CCSER1: variants seen among roughly 807,000 people sequenced by gnomAD.
CCSER1 encodes the protein coiled-coil serine rich protein 1.
A neutral mutation model predicts 82.0 loss-of-function variants in CCSER1; 41 were observed. That is an observed-to-expected ratio of 0.50 (90% CI 0.39 to 0.65). The LOEUF (loss-of-function observed/expected upper bound fraction) is 0.65. CCSER1 is among the 30% of genes least tolerant of loss of function. CCSER1 has a pLI of 0.00. For synonymous variants in CCSER1, 414 were observed against 383.9 expected, an observed-to-expected ratio of 1.08 and a Z score of -0.92; for missense variants, 1,119 against 1,064.2, an observed-to-expected ratio of 1.05 and a Z score of -0.72.
chr4:90,271,826 TTATATATATATATATATATATATA>T (rs1189309598), intron 1 of CCSER1, among the ~76,000 whole-genome samples: 1 of 42,880 alleles, frequency 2.3e-5, no homozygotes, highest in East Asian at 5.3e-4. Context: ...ACTGGACAAT[TTATATATATATATATATATATATA>T]TATATATATA....
chr4:91,484,105 C>T (rs530454491), intron 10 of CCSER1, among the ~76,000 whole-genome samples: 7 of 148,550 alleles, frequency 4.7e-5, no homozygotes, highest in Non-Finnish European at 8.9e-5. Flanking sequence ...ATACATGATT[C>T]AGTTCTCAAA....
intron 9 of CCSER1, among the ~76,000 whole-genome samples, chr4:91,060,455 T>C (rs1743863517): frequency 6.6e-6 from 1 of 152,028 alleles, no homozygotes; most frequent in Non-Finnish European, 1.5e-5. Flanking sequence ...AGTAGAAGAA[T>C]GCATTTGCAA....
In CCSER1 at chr4:91,482,208, C is replaced by T. The variant is rs565402348; in HGVS notation, c.2218-116364C>T. On this transcript the variant is annotated intron_variant, in intron 10 of 10. Coordinates refer to ENST00000509176, the MANE Select transcript of CCSER1 (RefSeq NM_001145065.2). Reference sequence around the variant, plus strand: ...ATGAGGTCAGGAGATCGAGACCATCCTGGCTAACAAGGTAAAACCCCGTCT... The same window carrying T: ...ATGAGGTCAGGAGATCGAGACCATCTTGGCTAACAAGGTAAAACCCCGTCT... Among the ~76,000 whole-genome samples, 116 of 149,018 alleles carry T rather than the reference C, an allele frequency of 7.8e-4. 1 individual carries two copies. The highest frequency in any genetic ancestry group is 2.8e-3 in the African/African-American group (114 of 40,216).
chr4:90,885,145 T>C (rs1367251413), intron 8 of CCSER1, among the ~76,000 whole-genome samples: 1 of 152,140 alleles, frequency 6.6e-6, no homozygotes, highest in African/African-American at 2.4e-5. Context: ...TAATTTTTTT[T>C]CTCAGAGGAA....
rs73833874 is a variant in CCSER1, at chr4:90,811,713, G to T, written c.2011-4049G>T. Among the ~76,000 whole-genome samples, 1,500 of 152,184 alleles carry T rather than the reference G, an allele frequency of 9.9e-3. 21 individuals carry two copies. Among genetic ancestry groups the T allele is most frequent in the African/African-American group, 0.033 (1,390 of 41,496 alleles). ...AGATAATGGGGAAATCAGCAGAAGTGAAGTCTTAAGGTGGCGGAAGAGGAT... is the reference window on the plus strand; with the variant it reads ...AGATAATGGGGAAATCAGCAGAAGTTAAGTCTTAAGGTGGCGGAAGAGGAT... On this transcript the variant is annotated intron_variant, in intron 7 of 10. Coordinates refer to ENST00000509176, the MANE Select transcript of CCSER1 (RefSeq NM_001145065.2).
At chr4:91,273,127 T>C (rs1742169876) in intron 10 of CCSER1, among the ~76,000 whole-genome samples, 1 of 152,154 alleles carries the variant, frequency 6.6e-6, no homozygotes, top group Non-Finnish European at 1.5e-5. Flanking sequence ...TTTCTAATTC[T>C]GTGAAGACTG....
Position 90,244,052 on chromosome 4 carries a change from G to T in CCSER1, c.-41-64192G>T, listed in dbSNP as rs143190180. On this transcript the variant is annotated intron_variant, in intron 1 of 10. Transcript: ENST00000509176. ...TTTTCTGTTATCTCATTATACCAATGAATATTTTGAGTATTTTGAGGATTA... is the reference window on the plus strand; with the variant it reads ...TTTTCTGTTATCTCATTATACCAATTAATATTTTGAGTATTTTGAGGATTA... 1.8e-4 allele frequency among the ~76,000 whole-genome samples: 28 copies of T among 152,240 alleles called. 1 individual carries two copies. In the East Asian group the frequency reaches 5.4e-3, roughly 29 times the overall value.
intron 9 of CCSER1, among the ~76,000 whole-genome samples, chr4:91,012,146 A>C (rs1474677458): frequency 7.4e-6 from 1 of 134,940 alleles, no homozygotes; most frequent in Non-Finnish European, 1.7e-5. Flanking sequence ...GCCCAGGCTC[A>C]GGGGCTATGA....
intron 10 of CCSER1, among the ~76,000 whole-genome samples, chr4:91,326,425 T>C (rs1746561703): frequency 6.6e-6 from 1 of 152,124 alleles, no homozygotes; most frequent in Non-Finnish European, 1.5e-5. Context: ...TGAGAACTCA[T>C]TCACTATCAC....
intron 10 of CCSER1, among the ~76,000 whole-genome samples, chr4:91,360,718 GAGAGAGAGAA>G (rs1437686397): frequency 6.6e-6 from 1 of 151,808 alleles, no homozygotes; most frequent in African/African-American, 2.4e-5. Flanking sequence ...AAAAAACAGA[GAGAGAGAGAA>G]AGAGAGAGAA....
Position 90,799,648 on chromosome 4 carries a change from G to A in CCSER1, c.2011-16114G>A, listed in dbSNP as rs192985309. 4.9e-4 allele frequency among the ~76,000 whole-genome samples: 75 copies of A among 152,248 alleles called. No homozygotes were observed. The East Asian group carries it at 0.014, about 27-fold the overall frequency. On this transcript the variant is annotated intron_variant, in intron 7 of 10. Transcript: ENST00000509176. ...AGGTCGCGCAGGCCCCATATGATGG[G>A]CAAAACTGCCTGACAGAGTTCAGGT...
At chr4:90,689,980 G>A (rs1014806056) in intron 6 of CCSER1, among the ~76,000 whole-genome samples, 12 of 152,108 alleles carry the variant, frequency 7.9e-5, no homozygotes, top group African/African-American at 2.9e-4. Flanking sequence ...TCCTCTGAAG[G>A]GTGAGTTCTA....
At chr4:91,437,851 C>G (rs1407739565) in intron 10 of CCSER1, among the ~76,000 whole-genome samples, 1 of 152,240 alleles carries the variant, frequency 6.6e-6, no homozygotes, top group Non-Finnish European at 1.5e-5. Context: ...TTTGGAGGGT[C>G]CTACGCCCAC....
At chr4:91,429,816 TCA>T (rs1478972219) in intron 10 of CCSER1, among the ~76,000 whole-genome samples, 2 of 151,882 alleles carry the variant, frequency 1.3e-5, no homozygotes, top group Non-Finnish European at 2.9e-5. Flanking sequence ...GTCTATAATC[TCA>T]GTTACGTGTT....
chr4:90,243,334 C>T (rs1025810338), intron 1 of CCSER1, among the ~76,000 whole-genome samples: 15 of 152,136 alleles, frequency 9.9e-5, no homozygotes, highest in East Asian at 3.9e-4. Flanking sequence ...CTGCAACCTC[C>T]GTCTCCCGGG....
At chr4:90,973,722 A>G (rs1460537632) in intron 9 of CCSER1, among the ~76,000 whole-genome samples, 1 of 151,750 alleles carries the variant, frequency 6.6e-6, no homozygotes, top group African/African-American at 2.4e-5. Context: ...TATTCATTGC[A>G]GCATTATTAG....
intron 10 of CCSER1, among the ~76,000 whole-genome samples, chr4:91,111,524 AATTG>A (rs1461195054): frequency 8.6e-5 from 13 of 152,040 alleles, no homozygotes; most frequent in African/African-American, 3.1e-4. Context: ...CAATACAATT[AATTG>A]ATAGAACAAG....
At chr4:90,395,926 A>C (rs534814677) in intron 3 of CCSER1, among the ~76,000 whole-genome samples, 23 of 151,694 alleles carry the variant, frequency 1.5e-4, no homozygotes, top group African/African-American at 5.6e-4. Flanking sequence ...AAAAAAAAAA[A>C]AAAAAGTAGC....
intron 4 of CCSER1, among the ~76,000 whole-genome samples, chr4:90,448,485 A>T (rs1167775822): frequency 3.9e-4 from 48 of 124,088 alleles, no homozygotes; most frequent in African/African-American, 1.3e-3. Context: ...ATATATATAT[A>T]GCACTTTTCT....
Sources: gnomAD v4.1 joint callset for allele counts (sites outside exome capture counted in the v4.1 genomes callset) on GRCh38, gnomAD v4.1.1 for gene constraint, MANE v1.5 for transcripts, NCBI Gene and HGNC (gene_info 2026-07-23, HGNC 2026-07-21) for gene names.